TBCD: variants seen among roughly 807,000 people sequenced by gnomAD.
TBCD encodes tubulin-specific chaperone D.
TBCD carries 105 observed loss-of-function variants against 169.3 expected under a neutral mutation model. The observed-to-expected ratio is 0.62, with a 90% confidence interval of 0.53 to 0.73. The LOEUF (loss-of-function observed/expected upper bound fraction) is 0.73, where lower values mean the gene tolerates loss of function less well. Among genes scored for constraint, TBCD ranks in the 30% least tolerant of loss-of-function variants. The pLI, the probability that TBCD is intolerant of heterozygous loss-of-function variation, is 0.00. For missense variants in TBCD, 1,444 were observed against 1,600.1 expected, an observed-to-expected ratio of 0.90 and a Z score of 1.66; for synonymous variants, 700 against 643.9, an observed-to-expected ratio of 1.09 and a Z score of -1.32.
chr17:82,778,139 C>G (rs183993906), intron 6 of TBCD, among the ~76,000 whole-genome samples: 170 of 152,314 alleles, frequency 1.1e-3, no homozygotes, highest in Admixed American at 3.1e-3. Flanking sequence ...AGAATAATTG[C>G]TACCAACTAA....
chr17:82,859,244 G>A (rs1016556943), intron 13 of TBCD, among the ~76,000 whole-genome samples: 3 of 137,746 alleles, frequency 2.2e-5, no homozygotes, highest in Non-Finnish European at 3.1e-5. Context: ...CTCGTGGGTC[G>A]TCTGGCCTGC....
At chr17:82,881,889 C>A (rs1021552267) in intron 14 of TBCD, among the ~76,000 whole-genome samples, 4 of 151,610 alleles carry the variant, frequency 2.6e-5, no homozygotes, top group African/African-American at 9.7e-5. Context: ...GGGGTCCTTT[C>A]TCTCTCTCTC....
chr17:82,801,843 T>C (rs1164407065), intron 9 of TBCD, among the ~76,000 whole-genome samples: 16 of 97,612 alleles, frequency 1.6e-4, no homozygotes, highest in South Asian at 3.8e-4. Context: ...CGTCGTGTGG[T>C]TCGGAGTCAG....
Position 82,939,408 on chromosome 17 carries a change from C to A in TBCD, c.3411C>A (p.Leu1137=). The A allele has an allele frequency of 6.2e-7, 1 of 1,613,500 alleles. No individual in the cohort carries two copies. Among genetic ancestry groups the A allele is most frequent in the African/African-American group, 1.3e-5 (1 of 75,038 alleles). ...TTASQVYETL[L]TYSDVVGADV... ...CCAGCCAGGTGTACGAGACATTGCT[C>A]ACCTACAGTGACGTCGTGGGCGCGG... The change falls in exon 37 of 39, where the codon CTC becomes CTA. Residue 1137 remains leucine (L), a synonymous_variant. Transcript: ENST00000355528.
Position 82,920,723 on chromosome 17 carries a change from A to G in TBCD, c.2101+105A>G. The G allele has an allele frequency of 9.7e-7, 1 of 1,034,278 alleles. No individual in the cohort carries two copies. Among genetic ancestry groups the G allele is most frequent in the South Asian group, 1.5e-5 (1 of 67,518 alleles). The allele number at this position is 1,034,278 out of a possible 1,614,324, so 64.1% of individuals were successfully genotyped here. A position where few individuals can be genotyped will look rare whatever the true frequency, so the allele number is the denominator to read the frequency against. On this transcript the variant is annotated intron_variant, in intron 24 of 38. Coordinates refer to ENST00000355528, the MANE Select transcript of TBCD (RefSeq NM_005993.5). The surrounding 1 kb of genome is among the most constrained non-coding windows in gnomAD (Gnocchi z 4.1). ...TGGGGGCGATAAACGATTATAGCTT[A>G]AAGGTTCAAGATATTAATCGGATAC...
chr17:82,937,820 CTG>C (rs1284685392), intron 35 of TBCD: 2 of 1,459,960 alleles, frequency 1.4e-6, no homozygotes, highest in Admixed American at 2.1e-5. Flanking sequence ...AGGAGATCCT[CTG>C]TGAGGCGTCC....
chr17:82,928,688 C>G (rs534940458), intron 30 of TBCD, among the ~76,000 whole-genome samples: 1 of 152,058 alleles, frequency 6.6e-6, no homozygotes, highest in Non-Finnish European at 1.5e-5. Context: ...TTCCTTAGTT[C>G]TCACCTCTTT....
In TBCD at chr17:82,911,517, T is replaced by C. The variant is rs1300661972; in HGVS notation, c.2007-241T>C. Among the ~76,000 whole-genome samples the C allele has an allele frequency of 5.3e-5, 8 of 152,346 alleles. No homozygotes were observed. In the East Asian group the frequency reaches 1.4e-3, roughly 26 times the overall value. On this transcript the variant is annotated intron_variant, in intron 22 of 38. Coordinates refer to ENST00000355528, the MANE Select transcript of TBCD (RefSeq NM_005993.5). Reference sequence around the variant, plus strand: ...TCTGTGATGGGATACCAGTCAGGACTAGAATGTCCAGTAAAAATTAAAAAT... The same window carrying C: ...TCTGTGATGGGATACCAGTCAGGACCAGAATGTCCAGTAAAAATTAAAAAT...
chr17:82,924,889 A>G, intron 26 of TBCD, 50 bp from the exon 27 acceptor site: 1 of 1,460,326 alleles, frequency 6.8e-7, no homozygotes, highest in Non-Finnish European at 9.4e-7. Context: ...GTGTGGCTGT[A>G]CACGATGGGC....
At chr17:82,871,128 G>A (rs2057526063) in intron 14 of TBCD, among the ~76,000 whole-genome samples, 1 of 152,170 alleles carries the variant, frequency 6.6e-6, no homozygotes, top group African/African-American at 2.4e-5. Flanking sequence ...GGCGGGCGGG[G>A]CTCCTGCCTC....
intron 13 of TBCD, among the ~76,000 whole-genome samples, chr17:82,828,504 A>ACC (rs368420925): frequency 3.6e-5 from 4 of 112,108 alleles, no homozygotes; most frequent in East Asian, 6.1e-4. Flanking sequence ...AATCGAATGC[A>ACC]CCCCCCCCGC....
chr17:82,823,476 G>T (rs2052576358), intron 13 of TBCD, among the ~76,000 whole-genome samples: 1 of 152,120 alleles, frequency 6.6e-6, no homozygotes, highest in Admixed American at 6.5e-5. Context: ...TTGTGTTAAT[G>T]GTGTTTTTTT....
intron 33 of TBCD, among the ~76,000 whole-genome samples, chr17:82,931,257 C>T (rs2062176141): frequency 1.3e-5 from 2 of 152,232 alleles, no homozygotes; most frequent in South Asian, 2.1e-4. Flanking sequence ...TCTCGGCAAA[C>T]AGGAACTCGG....
intron 13 of TBCD, among the ~76,000 whole-genome samples, chr17:82,819,577 GGA>G (rs1388570665): frequency 5.3e-5 from 8 of 149,608 alleles, no homozygotes; most frequent in Admixed American, 2.6e-4. Flanking sequence ...CAGCTACTCA[GGA>G]GGTTGAGGTG....
In TBCD at chr17:82,782,697, G is replaced by GCGTCCTCCTGTCCGTGGCGT. The variant is rs1341776790; in HGVS notation, c.771+991_771+1010dup. ...AGATGATGAGTGCCACCTCGCCACG[G>GCGTCCTCCTGTCCGTGGCGT]CGTCCTCCTGTCCGTGGCGTCGTCC... On this transcript the variant is annotated intron_variant, in intron 7 of 38. Coordinates refer to ENST00000355528, the MANE Select transcript of TBCD (RefSeq NM_005993.5). This position sits in a 1 kb window ranked among gnomAD's most constrained non-coding sequence, Gnocchi z 5.1. Among the ~76,000 whole-genome samples, 1 of 152,092 alleles carries GCGTCCTCCTGTCCGTGGCGT rather than the reference G, an allele frequency of 6.6e-6. No homozygotes were observed. The highest frequency in any genetic ancestry group is 1.9e-4 in the East Asian group (1 of 5,190).
At chr17:82,929,620 G>T (rs776822346) in intron 32 of TBCD, 120 bp downstream of exon 32, 1 of 1,394,058 alleles carries the variant, frequency 7.2e-7, no homozygotes, top group Non-Finnish European at 9.9e-7. Context: ...TATCTCTCTC[G>T]GGCATATTTG....
At chr17:82,753,155 C>T (rs899717278) in intron 1 of TBCD, among the ~76,000 whole-genome samples, 22 of 152,104 alleles carry the variant, frequency 1.4e-4, no homozygotes, top group African/African-American at 4.3e-4. Flanking sequence ...GTAAGAAGAA[C>T]TTTTGCATTA....
At chr17:82,852,209 C>T (rs2055853079) in intron 13 of TBCD, among the ~76,000 whole-genome samples, 1 of 148,670 alleles carries the variant, frequency 6.7e-6, no homozygotes, top group Admixed American at 6.8e-5. Context: ...CCATTCTGGA[C>T]ATTTCCTGTG....
intron 6 of TBCD, among the ~76,000 whole-genome samples, chr17:82,779,596 C>T (rs2048813795): frequency 2.0e-5 from 3 of 152,184 alleles, no homozygotes. Context: ...TTGTGAGGGC[C>T]ATGACCGAGT....
Sources: gnomAD v4.1 joint callset for allele counts (sites outside exome capture counted in the v4.1 genomes callset) on GRCh38, gnomAD v4.1.1 for gene constraint, Gnocchi (gnomAD v3.1) non-coding constraint, MANE v1.5 for transcripts, NCBI Gene and HGNC (gene_info 2026-07-23, HGNC 2026-07-21) for gene names.